The following RIMS2 variants were observed in gnomAD, a reference collection of about 807,000 sequenced individuals.
RIMS2 encodes regulating synaptic membrane exocytosis protein 2.
Under a neutral mutation model 174.4 loss-of-function variants are expected in RIMS2, and 59 were observed. That is an observed-to-expected ratio of 0.34 (90% CI 0.27 to 0.42). RIMS2 has a LOEUF of 0.42. Among genes scored for constraint, RIMS2 ranks in the 10% least tolerant of loss-of-function variants. RIMS2 has a pLI of 1.00. For synonymous variants in RIMS2, 606 were observed against 572.5 expected (o/e 1.06, Z -0.84); for missense variants, 1,620 against 1,666.3 (o/e 0.97, Z 0.48).
At chr8:104,238,145 T>C (rs1019974392) in intron 19 of RIMS2, among the ~76,000 whole-genome samples, 15 of 152,180 alleles carry the variant, frequency 9.9e-5, no homozygotes, top group African/African-American at 3.6e-4. Context: ...TCATGTCCTT[T>C]GCAGGGACAT....
At chr8:103,680,673 A>G (rs547740148) in intron 1 of RIMS2, among the ~76,000 whole-genome samples, 29 of 152,058 alleles carry the variant, frequency 1.9e-4, no homozygotes, top group Non-Finnish European at 3.5e-4. Context: ...GAAGAATAAT[A>G]CAGGAAATCC....
At chr8:103,546,664 C>A (rs971578534) in intron 1 of RIMS2, among the ~76,000 whole-genome samples, 3 of 152,116 alleles carry the variant, frequency 2.0e-5, no homozygotes, top group Non-Finnish European at 4.4e-5. Flanking sequence ...TCAAAAACAC[C>A]TAAATCATAC....
exon 8 of RIMS2, chr8:103,916,480 T>A (rs1230421321): frequency 6.2e-7 from 1 of 1,611,464 alleles, no homozygotes; most frequent in Non-Finnish European, 8.5e-7. Flanking sequence ...GTGTACAACA[T>A]CATTCTAGAA....
At chr8:103,790,893 C>G (rs1373374810) in intron 3 of RIMS2, among the ~76,000 whole-genome samples, 3 of 152,128 alleles carry the variant, frequency 2.0e-5, no homozygotes, top group Non-Finnish European at 4.4e-5. Context: ...GAAAAATGAG[C>G]AAAGCCTCCA....
At chr8:103,519,299 C>A (rs954997649) in intron 1 of RIMS2, among the ~76,000 whole-genome samples, 3 of 152,074 alleles carry the variant, frequency 2.0e-5, no homozygotes, top group Non-Finnish European at 4.4e-5. Flanking sequence ...ATAAAACTCT[C>A]ATTACTCATT....
intron 20 of RIMS2, among the ~76,000 whole-genome samples, chr8:104,245,281 A>G (rs1442108583): frequency 6.6e-6 from 1 of 152,242 alleles, no homozygotes; most frequent in East Asian, 1.9e-4. Flanking sequence ...TTTTGCCTTA[A>G]TGGCAAGTTG....
chr8:103,662,316 T>G (rs2096611309), intron 1 of RIMS2, among the ~76,000 whole-genome samples: 1 of 152,196 alleles, frequency 6.6e-6, no homozygotes, highest in African/African-American at 2.4e-5. Context: ...CATATAGTAG[T>G]AGGAAGTTTA....
chr8:104,000,821 C>T (rs2095353132), intron 17 of RIMS2, among the ~76,000 whole-genome samples: 1 of 151,784 alleles, frequency 6.6e-6, no homozygotes. Context: ...TGATGTTGAG[C>T]ATTTTTTTAT....
At chr8:104,118,559 G>A (rs1191364142) in intron 19 of RIMS2, among the ~76,000 whole-genome samples, 3 of 151,666 alleles carry the variant, frequency 2.0e-5, no homozygotes, top group Admixed American at 1.3e-4. Flanking sequence ...AGTGGAGATG[G>A]GGTTTCACCA....
chr8:104,179,682 T>C (rs950749719), intron 19 of RIMS2, among the ~76,000 whole-genome samples: 3 of 151,868 alleles, frequency 2.0e-5, no homozygotes, highest in Non-Finnish European at 2.9e-5. Flanking sequence ...AAATCTCTAA[T>C]GAATATACAC....
In RIMS2 at chr8:104,094,417, T is replaced by C. The variant is rs1202698494; in HGVS notation, c.3334+79802T>C. ...TCTGTTTAATTTCATAAGTGTTTTT[T>C]CTTGACTTTCTTTTTTTGTGTGTTT... On this transcript the variant is annotated intron_variant, in intron 19 of 23. Coordinates refer to ENST00000504942, the Ensembl canonical transcript of RIMS2. 1.8e-5 allele frequency: 10 copies of C among 567,206 alleles called. No homozygotes were observed. In the South Asian group the frequency reaches 2.4e-4, roughly 14 times the overall value. The allele number at this position is 567,206 out of a possible 1,614,324, so 35.1% of individuals were successfully genotyped here.
intron 2 of RIMS2, among the ~76,000 whole-genome samples, chr8:103,755,925 T>C (rs1442059341): frequency 1.3e-5 from 2 of 152,238 alleles, no homozygotes. Flanking sequence ...AGCCTACTTC[T>C]GTCAACTCAT....
At chr8:104,194,611 A>G (rs1247729407) in intron 19 of RIMS2, among the ~76,000 whole-genome samples, 2 of 152,198 alleles carry the variant, frequency 1.3e-5, no homozygotes, top group African/African-American at 2.4e-5. Flanking sequence ...CATCTAGTAC[A>G]TGGCACAAAA....
chr8:104,223,879 C>A, intron 19 of RIMS2: 1 of 1,101,844 alleles, frequency 9.1e-7, no homozygotes. Context: ...GAGAGAACTC[C>A]ACGTAGCAGT....
intron 2 of RIMS2, 122 bp downstream of exon 5, chr8:103,716,442 G>A (rs1439186210): frequency 1.3e-5 from 2 of 151,850 alleles, no homozygotes; most frequent in Non-Finnish European, 2.9e-5. Flanking sequence ...ATGATGCATG[G>A]TAATTGCTAA....
chr8:103,971,399 A>T (rs997091216), intron 15 of RIMS2, among the ~76,000 whole-genome samples: 5 of 152,124 alleles, frequency 3.3e-5, no homozygotes, highest in African/African-American at 1.2e-4. Flanking sequence ...GGTTACAATG[A>T]TGATCTCTTT....
At chr8:103,541,025 A>G (rs192092217) in intron 1 of RIMS2, among the ~76,000 whole-genome samples, 10 of 152,348 alleles carry the variant, frequency 6.6e-5, no homozygotes, top group Non-Finnish European at 8.8e-5. Flanking sequence ...TGGGACATCA[A>G]AAAGGCAGTT....
intron 19 of RIMS2, among the ~76,000 whole-genome samples, chr8:104,040,506 A>G (rs2096590564): frequency 6.6e-6 from 1 of 151,712 alleles, no homozygotes; most frequent in African/African-American, 2.4e-5. Context: ...TCCAAAACAT[A>G]TCATGTCATA....
rs1431668277 is a variant in RIMS2 at position 103,869,085 on chromosome 8, C to T, written c.699-16213C>T. 1.5e-4 allele frequency among the ~76,000 whole-genome samples: 23 copies of T among 151,714 alleles called. 1 individual carries two copies. The highest frequency in any genetic ancestry group is 2.1e-4 in the South Asian group (1 of 4,816). On this transcript the variant is annotated intron_variant, in intron 3 of 23. Coordinates refer to ENST00000504942, the Ensembl canonical transcript of RIMS2. ...GATAGTTTCCCTGATATATGCATTT[C>T]ATGTATGAGGAGTGTTCACATTGTG... is the stretch of plus-strand genomic sequence containing the variant.
Sources: allele counts gnomAD v4.1 joint callset (sites outside exome capture counted in the v4.1 genomes callset), GRCh38; gene constraint gnomAD v4.1.1; transcripts MANE v1.5; gene names NCBI Gene and HGNC (gene_info 2026-07-23, HGNC 2026-07-21).